AP1B1: variants seen among roughly 807,000 people sequenced by gnomAD.
AP1B1 encodes the protein adaptor related protein complex 1 subunit beta 1.
AP1B1 carries 36 observed loss-of-function variants against 104.3 expected under a neutral mutation model. The observed-to-expected ratio is 0.35, with a 90% CI of 0.26 to 0.46. The LOEUF (loss-of-function observed/expected upper bound fraction) is 0.46. AP1B1 is among the 20% of genes least tolerant of loss of function. AP1B1 has a pLI of 1.00. For synonymous variants in AP1B1, 504 were observed against 517.5 expected (o/e 0.97, Z 0.35); for missense variants, 901 against 1,247.9 (o/e 0.72, Z 4.19).
At chr22:29,363,160 T>G (rs2062077245) in intron 2 of AP1B1, 54 bp from the exon 3 acceptor site, 3 of 815,450 alleles carry the variant, frequency 3.7e-6, no homozygotes, top group East Asian at 2.4e-5. Context: ...CAGGGGACAA[T>G]TCCCAGTATC....
At chr22:29,347,922 T>G (rs914754501) in intron 11 of AP1B1, among the ~76,000 whole-genome samples, 9 of 152,232 alleles carry the variant, frequency 5.9e-5, no homozygotes, top group African/African-American at 2.2e-4. Flanking sequence ...CAGTACTGTT[T>G]CAATGAGCAC....
At chr22:29,372,077 G>C (rs927025146) in intron 1 of AP1B1, among the ~76,000 whole-genome samples, 1 of 152,154 alleles carries the variant, frequency 6.6e-6, no homozygotes, top group Non-Finnish European at 1.5e-5. Flanking sequence ...TTATGACTTT[G>C]ATGTCACATC....
chr22:29,360,959 T>C (rs416358), intron 3 of AP1B1, among the ~76,000 whole-genome samples: 1 of 152,010 alleles, frequency 6.6e-6, no homozygotes, highest in Non-Finnish European at 1.5e-5. Context: ...AAGCCAAAAT[T>C]TATGTGTCAC....
At chr22:29,364,767 G>A (rs981282524) in intron 2 of AP1B1, among the ~76,000 whole-genome samples, 2 of 150,420 alleles carry the variant, frequency 1.3e-5, no homozygotes, top group African/African-American at 2.5e-5. Flanking sequence ...GGAGTGCAGC[G>A]GTGCGATCTC....
At chr22:29,338,521 G>C (rs1373703148) in intron 16 of AP1B1, among the ~76,000 whole-genome samples, 1 of 152,196 alleles carries the variant, frequency 6.6e-6, no homozygotes, top group Non-Finnish European at 1.5e-5. Flanking sequence ...CCTCCATGCA[G>C]TGAAAGCATC....
intron 2 of AP1B1, among the ~76,000 whole-genome samples, chr22:29,366,833 GACACACACACACACACACACACACACAC>G (rs200885223): frequency 2.3e-5 from 3 of 131,404 alleles, no homozygotes; most frequent in South Asian, 2.7e-4. Context: ...CTTGGATAAG[GACACACACACACACACACACACACACAC>G]ACACACACAC....
chr22:29,349,338 C>A lies in AP1B1; in HGVS notation c.1317G>T (p.Leu439=). 6.2e-7 allele frequency: 1 copy of A among 1,614,076 alleles called. No homozygotes were observed. Among genetic ancestry groups the A allele is most frequent in the Non-Finnish European group, 8.5e-7 (1 of 1,180,018 alleles). ...TGGCAGCCCGGGCCTCAGGCTCATC[C>A]AGGGAGTCCAGATTCTCACACAGTG... ...IATLCENLDS[L]DEPEARAAMI... The change falls in exon 11 of 23, where the codon CTG becomes CTT. Residue 439 remains leucine, a synonymous_variant. Transcript: ENST00000357586.
rs773308076 is a variant in AP1B1 at position 29,340,776 on chromosome 22, G to T, written c.1878C>A (p.Gly626=). ...GEQPDVIPAQ[G]DLLGDLLNLD... ...GGTTGAGGAGGTCACCCAGCAGGTC[G>T]CCCTGGGCGGGGATGACATCTGGCT... The change falls in exon 14 of 23, where the codon GGC becomes GGA. Residue 626 remains glycine, a synonymous_variant. Transcript: ENST00000357586. 3.8e-6 allele frequency: 6 copies of T among 1,599,764 alleles called. No homozygotes were observed. The highest frequency in any genetic ancestry group is 5.1e-6 in the Non-Finnish European group (6 of 1,174,426).
chr22:29,329,083 G>T, intron 22 of AP1B1, 188 bp from the exon 23 acceptor site: 1 of 1,408,672 alleles, frequency 7.1e-7, no homozygotes, highest in Non-Finnish European at 9.3e-7. Flanking sequence ...GCCGGGTGTG[G>T]ACCAAATATA....
At chr22:29,383,188 G>A (rs2062464441) in intron 1 of AP1B1, among the ~76,000 whole-genome samples, 1 of 152,118 alleles carries the variant, frequency 6.6e-6, no homozygotes, top group Admixed American at 6.6e-5. Context: ...TCTGTCCTCA[G>A]TGTCCCAGCA....
At chr22:29,344,047 T>C (rs1240118188) in intron 11 of AP1B1, among the ~76,000 whole-genome samples, 1 of 149,990 alleles carries the variant, frequency 6.7e-6, no homozygotes, top group African/African-American at 2.5e-5. Context: ...GAGGCAGAGG[T>C]TGCAGTGAGC....
chr22:29,330,347 A>C, intron 21 of AP1B1, 31 bp downstream of exon 21: 1 of 1,611,100 alleles, frequency 6.2e-7, no homozygotes, highest in Non-Finnish European at 8.5e-7. Context: ...GGGAGGCTCC[A>C]AGGCTGCAGG....
At chr22:29,359,185 G>T (rs1337358899) in intron 4 of AP1B1, among the ~76,000 whole-genome samples, 2 of 152,200 alleles carry the variant, frequency 1.3e-5, no homozygotes, top group African/African-American at 4.8e-5. Context: ...GATCCTCACA[G>T]TAGAAATACA....
chr22:29,356,573 G>A lies in AP1B1; in HGVS notation c.569C>T (p.Ser190Phe). Reference sequence around the variant, plus strand: ...ATCGAGCAGGTTGCTGCTGGGGTGAGACTCGGCAATTTCTGAGAGCGCTGC... The same window carrying A: ...ATCGAGCAGGTTGCTGCTGGGGTGAAACTCGGCAATTTCTGAGAGCGCTGC... ...AVAALSEIAESHPSSNLLDLN... is the reference protein window; with the variant it reads ...AVAALSEIAEFHPSSNLLDLN... Residue 190 changes from serine (S) to phenylalanine (F), a missense_variant, in exon 6 of 23, where the codon TCT (serine) becomes TTT (phenylalanine). Ser to Phe is a radical substitution (Grantham distance 155). Transcript: ENST00000357586. 1 of 1,614,184 alleles carries A rather than the reference G, an allele frequency of 6.2e-7. No individual in the cohort carries two copies. The highest frequency in any genetic ancestry group is 8.5e-7 in the Non-Finnish European group (1 of 1,180,024).
chr22:29,382,939 T>G (rs1340479390), intron 1 of AP1B1, among the ~76,000 whole-genome samples: 1 of 152,202 alleles, frequency 6.6e-6, no homozygotes, highest in Non-Finnish European at 1.5e-5. Context: ...ATCTGACCTA[T>G]ATTTTAATAA....
intron 1 of AP1B1, among the ~76,000 whole-genome samples, chr22:29,367,854 T>A (rs1331194029): frequency 2.0e-5 from 3 of 152,216 alleles, no homozygotes; most frequent in African/African-American, 7.2e-5. Flanking sequence ...ACAACTTTTC[T>A]AAGCTGCTAA....
chr22:29,379,849 A>C (rs1569167531), intron 1 of AP1B1, among the ~76,000 whole-genome samples: 2 of 152,238 alleles, frequency 1.3e-5, no homozygotes, highest in South Asian at 4.1e-4. Context: ...TAGCTGGGGA[A>C]CGGCTTCTTG....
intron 16 of AP1B1, among the ~76,000 whole-genome samples, chr22:29,337,586 C>T: frequency 6.6e-6 from 1 of 152,194 alleles, no homozygotes; most frequent in East Asian, 1.9e-4. Context: ...GAGGGGAGCT[C>T]TGGCAAACAC....
chr22:29,329,372 G>T, intron 22 of AP1B1: 1 of 1,234,250 alleles, frequency 8.1e-7, no homozygotes, highest in Non-Finnish European at 1.0e-6. Flanking sequence ...TCCGCTCTGG[G>T]GCCTGAGCTT....
Sources: allele counts gnomAD v4.1 joint callset (sites outside exome capture counted in the v4.1 genomes callset), GRCh38; gene constraint gnomAD v4.1.1; transcripts MANE v1.5; gene names NCBI Gene and HGNC (gene_info 2026-07-23, HGNC 2026-07-21).